Variants in DMXL1 observed in about 807,000 individuals in gnomAD.
DMXL1 encodes the protein Dmx like 1.
Under a neutral mutation model 319.2 loss-of-function variants are expected in DMXL1, and 99 were observed. The ratio of observed to expected loss-of-function variants is 0.31; its 90% CI spans 0.26 to 0.37. The LOEUF (loss-of-function observed/expected upper bound fraction) is 0.37, where lower values mean the gene tolerates loss of function less well. Ranked by LOEUF, DMXL1 falls within the 10% of genes least tolerant of loss-of-function variation. The probability of loss-of-function intolerance (pLI) is 1.00; values close to 1 mark genes in which losing one functional copy is unlikely to be tolerated. For missense variants in DMXL1, 3,745 were observed against 3,595.6 expected, an observed-to-expected ratio of 1.04 and a Z score of -1.06; for synonymous variants, 1,385 against 1,235.2, an observed-to-expected ratio of 1.12 and a Z score of -2.54.
At chr5:119,143,981 C>T (rs1243029835) in intron 14 of DMXL1, 51 bp downstream of exon 14, 9 of 1,164,548 alleles carry the variant, frequency 7.7e-6, no homozygotes, top group Non-Finnish European at 8.6e-6. Context: ...TTTATGAAAG[C>T]ATTTTGCATA....
At chr5:119,230,935 G>C (rs1391444849) in intron 38 of DMXL1, among the ~76,000 whole-genome samples, 1 of 152,106 alleles carries the variant, frequency 6.6e-6, no homozygotes, top group African/African-American at 2.4e-5. Context: ...TTGTGTTTCT[G>C]AAAATGGGAC....
chr5:119,078,502 G>A (rs1172184380), intron 1 of DMXL1, among the ~76,000 whole-genome samples: 1 of 152,140 alleles, frequency 6.6e-6, no homozygotes, highest in Non-Finnish European at 1.5e-5. Flanking sequence ...ACAGGCTGGA[G>A]TGCAGTTGTG....
At chr5:119,217,543 C>G (rs1445872436) in intron 35 of DMXL1, among the ~76,000 whole-genome samples, 1 of 152,152 alleles carries the variant, frequency 6.6e-6, no homozygotes, top group African/African-American at 2.4e-5. Flanking sequence ...CCCCTTCTGT[C>G]TCCCCTAATT....
At chr5:119,141,145 A>C (rs538729768) in intron 13 of DMXL1, among the ~76,000 whole-genome samples, 1 of 152,204 alleles carries the variant, frequency 6.6e-6, no homozygotes, top group African/African-American at 2.4e-5. Flanking sequence ...CTCAGCCAAC[A>C]TCATACTGAA....
At chr5:119,104,948 G>A (rs563436045) in intron 3 of DMXL1, among the ~76,000 whole-genome samples, 71 of 152,258 alleles carry the variant, frequency 4.7e-4, no homozygotes, top group African/African-American at 1.5e-3. Flanking sequence ...CCAAGGTAGC[G>A]TATGGTTATT....
chr5:119,246,519 C>G (rs1037492211), intron 43 of DMXL1, among the ~76,000 whole-genome samples: 10 of 152,034 alleles, frequency 6.6e-5, no homozygotes, highest in African/African-American at 2.2e-4. Context: ...TATACAGAAT[C>G]AAGGTGTTAT....
chr5:119,116,362 A>C (rs535014103), intron 7 of DMXL1, 26 bp downstream of exon 7: 2 of 1,602,904 alleles, frequency 1.2e-6, no homozygotes, highest in East Asian at 4.5e-5. Context: ...ATTTCCCTCC[A>C]CATATTAAGG....
At chr5:119,166,207 A>G (rs943887715) in intron 21 of DMXL1, among the ~76,000 whole-genome samples, 1 of 152,212 alleles carries the variant, frequency 6.6e-6, no homozygotes, top group Non-Finnish European at 1.5e-5. Flanking sequence ...TCGGTTTTCT[A>G]AGAGACTTGA....
At chr5:119,171,660 C>A in intron 24 of DMXL1, 118 bp from the exon 25 acceptor site, 1 of 780,026 alleles carries the variant, frequency 1.3e-6, no homozygotes, top group Non-Finnish European at 1.9e-6. Flanking sequence ...CTCTAAGTTT[C>A]TATTATGCTT....
At chr5:119,207,763 C>T (rs540279678) in intron 34 of DMXL1, among the ~76,000 whole-genome samples, 5 of 152,286 alleles carry the variant, frequency 3.3e-5, no homozygotes, top group African/African-American at 1.2e-4. Context: ...CTCAGGTGAT[C>T]CACCTGCCTT....
At chr5:119,096,043 A>C (rs1489895706) in intron 1 of DMXL1, among the ~76,000 whole-genome samples, 1 of 152,116 alleles carries the variant, frequency 6.6e-6, no homozygotes, top group Non-Finnish European at 1.5e-5. Context: ...TTATCAACTT[A>C]TTTGGGCCTT....
chr5:119,212,318 T>G (rs940748664), intron 34 of DMXL1, among the ~76,000 whole-genome samples: 1 of 152,234 alleles, frequency 6.6e-6, no homozygotes, highest in Non-Finnish European at 1.5e-5. Flanking sequence ...AGTTATCCTT[T>G]TGTGACTAGT....
chr5:119,138,554 T>C (rs1038241549), intron 13 of DMXL1, among the ~76,000 whole-genome samples: 3 of 152,274 alleles, frequency 2.0e-5, no homozygotes, highest in African/African-American at 7.2e-5. Flanking sequence ...AACAGAAGTG[T>C]TAAGCCAGGA....
At chr5:119,185,063 T>C (rs964642170) in intron 28 of DMXL1, among the ~76,000 whole-genome samples, 1 of 152,104 alleles carries the variant, frequency 6.6e-6, no homozygotes, top group Non-Finnish European at 1.5e-5. Flanking sequence ...TGTTAAACAT[T>C]GACAAAATTT....
Position 119,118,897 on chromosome 5 carries a change from T to A in DMXL1, c.826T>A (p.Cys276Ser). 1 of 1,613,996 alleles carries A rather than the reference T, an allele frequency of 6.2e-7. No individual in the cohort carries two copies. Among genetic ancestry groups the A allele is most frequent in the Non-Finnish European group, 8.5e-7 (1 of 1,179,904 alleles). The change falls in exon 8 of 44, where the codon TGT becomes AGT. Residue 276 changes from cysteine to serine, a missense_variant. Coordinates refer to ENST00000539542, the MANE Select transcript of DMXL1 (RefSeq NM_001290321.3). ...GGTAGAGACATTTTTACCAAATGAT[T>A]GTTTGCTATACGGAGGTGACTGCAG... ...LWVETFLPND[C>S]LLYGGDCSHW...
At chr5:119,084,708 A>G (rs559757022) in intron 1 of DMXL1, among the ~76,000 whole-genome samples, 5 of 152,092 alleles carry the variant, frequency 3.3e-5, no homozygotes, top group African/African-American at 1.2e-4. Context: ...TCTACTAAAA[A>G]TACAAAATTA....
chr5:119,096,875 G>T lies in DMXL1; in HGVS notation c.88-1104G>T, dbSNP rs138053159. Among the ~76,000 whole-genome samples the T allele has an allele frequency of 9.1e-4, 138 of 152,324 alleles. 1 individual carries two copies. Among genetic ancestry groups the T allele is most frequent in the African/African-American group, 3.2e-3 (134 of 41,562 alleles). ...ATTATTAGCTGCATTCTAGGCCCTT[G>T]TGTTAGAATTGAGGACTAGAGTAGA... On this transcript the variant is annotated intron_variant, in intron 1 of 43. Coordinates refer to ENST00000539542, the MANE Select transcript of DMXL1 (RefSeq NM_001290321.3).
At chr5:119,162,038 T>C (rs1772387993) in intron 19 of DMXL1, among the ~76,000 whole-genome samples, 1 of 152,214 alleles carries the variant, frequency 6.6e-6, no homozygotes, top group Non-Finnish European at 1.5e-5. Context: ...GTGAGCTTCC[T>C]GGGAAACATT....
In DMXL1 at chr5:119,117,107, C is replaced by T. The variant is rs141616560; in HGVS notation, c.743+771C>T. On this transcript the variant is annotated intron_variant, in intron 7 of 43. Transcript: ENST00000539542. Reference sequence around the variant, plus strand: ...GCGGTGCCCCAGTCATGGCTCACTGCAACCTCTACCTCCTGGGCTCAAGTG... The same window carrying T: ...GCGGTGCCCCAGTCATGGCTCACTGTAACCTCTACCTCCTGGGCTCAAGTG... Among the ~76,000 whole-genome samples, 586 of 152,280 alleles carry T rather than the reference C, an allele frequency of 3.8e-3. 9 individuals carry two copies. The highest frequency in any genetic ancestry group is 0.026 in the South Asian group (126 of 4,818).
Sources: allele counts gnomAD v4.1 joint callset (sites outside exome capture counted in the v4.1 genomes callset), GRCh38; gene constraint gnomAD v4.1.1; transcripts MANE v1.5; gene names NCBI Gene and HGNC (gene_info 2026-07-23, HGNC 2026-07-21).